The following CASK variants were observed in gnomAD, a reference collection of about 807,000 sequenced individuals.
CASK encodes the protein peripheral plasma membrane protein CASK.
In CASK, 4 loss-of-function variants were observed where a neutral mutation model predicts 82.9. The ratio of observed to expected loss-of-function variants is 0.05; its 90% CI spans 0.02 to 0.11. The LOEUF is 0.11. Ranked by LOEUF, CASK falls within the 10% of genes least tolerant of loss-of-function variation. CASK has a pLI of 1.00. For synonymous variants in CASK, 259 were observed against 253.5 expected (o/e 1.02, Z -0.20); for missense variants, 358 against 720.9 (o/e 0.50, Z 5.76).
intron 1 of CASK, among the ~76,000 whole-genome samples, chrX:41,882,149 T>C (rs2071964878): frequency 9.0e-6 from 1 of 111,703 alleles, no homozygotes; most frequent in African/African-American, 3.3e-5. Flanking sequence ...ATAGTTGGTG[T>C]TCAAAAGTTT....
intron 1 of CASK, among the ~76,000 whole-genome samples, chrX:41,881,519 A>G (rs1175826586): frequency 9.0e-6 from 1 of 111,195 alleles, no homozygotes; most frequent in Non-Finnish European, 1.9e-5. Context: ...GACAGCTTCT[A>G]TATTATTCAC....
chrX:41,849,118 CA>C (rs1341919502), intron 2 of CASK, among the ~76,000 whole-genome samples: 1 of 111,129 alleles, frequency 9.0e-6, no homozygotes, highest in Non-Finnish European at 1.9e-5. Flanking sequence ...AACTGGAGCC[CA>C]AAATATACTC....
At chrX:41,749,270 C>G (rs979383365) in intron 3 of CASK, among the ~76,000 whole-genome samples, 1 of 106,144 alleles carries the variant, frequency 9.4e-6, no homozygotes, top group African/African-American at 3.5e-5. Context: ...GTTGACAGAG[C>G]GAGACTCCAT....
chrX:41,685,089 G>A (rs967977506), intron 5 of CASK, among the ~76,000 whole-genome samples: 10 of 111,632 alleles, frequency 9.0e-5, no homozygotes, highest in South Asian at 3.7e-4. Context: ...CTAAAATTAC[G>A]TAAAAACAAA....
chrX:41,523,234 G>A (rs1350764628), intron 26 of CASK, among the ~76,000 whole-genome samples: 1 of 112,258 alleles, frequency 8.9e-6, no homozygotes, highest in Non-Finnish European at 1.9e-5. Flanking sequence ...CATAATGACG[G>A]AAAATATGAG....
At chrX:41,688,741 G>A (rs1055067579) in intron 5 of CASK, among the ~76,000 whole-genome samples, 2 of 110,649 alleles carry the variant, frequency 1.8e-5, no homozygotes, top group Non-Finnish European at 1.9e-5. Flanking sequence ...AATTTTGAGC[G>A]GGGGGAGGAA....
At position 41,690,662 on chromosome X, in the gene CASK, A is replaced by AT. The variant is rs111335059; in HGVS notation, c.430-19133dup. Among the ~76,000 whole-genome samples, 835 of 85,853 alleles carry AT rather than the reference A, an allele frequency of 9.7e-3. 5 individuals carry two copies. The highest frequency in any genetic ancestry group is 0.026 in the African/African-American group (598 of 23,027). The allele number at this position is 85,853 out of a possible 115,157, so 74.6% of individuals were successfully genotyped here. On this transcript the variant is annotated intron_variant, in intron 5 of 26. Coordinates refer to ENST00000378163, the MANE Select transcript of CASK (RefSeq NM_001367721.1). ...AGGCATGAACCACTGCTCCCGGCCA[A>AT]TTTTTTTTTTTTTTATGTTCTTTTT...
chrX:41,586,731 A>G lies in CASK; in HGVS notation c.1314+176T>C, dbSNP rs914432846. The G allele has an allele frequency of 1.0e-4, 44 of 428,377 alleles. No homozygotes were observed. The African/African-American group carries it at 1.1e-3, about 11-fold the overall frequency. The allele number at this position is 428,377 out of a possible 1,213,427, so 35.3% of individuals were successfully genotyped here. ...AAGAGTATCTTTACAGTTGTGACACAAAGTAAACAAAACAGTCTTAAAATA... is the reference window on the plus strand; with the variant it reads ...AAGAGTATCTTTACAGTTGTGACACGAAGTAAACAAAACAGTCTTAAAATA... On this transcript the variant is annotated intron_variant, in intron 14 of 26. Transcript: ENST00000378163.
rs1445527983 is a variant in CASK, at chrX:41,923,404, C to G, written c.-416G>C. On this transcript the variant is annotated 5_prime_UTR_variant, in exon 1 of 27. Coordinates refer to ENST00000378163, the MANE Select transcript of CASK (RefSeq NM_001367721.1). ...TCGCGTCGCGGAGCAGCTCGGGCTA[C>G]AGAGGGGGCCGCGGCAGGACCATGG... 5 of 110,970 alleles carry G rather than the reference C, an allele frequency of 4.5e-5. No homozygotes were observed. In the Admixed American group the frequency reaches 4.7e-4, roughly 10 times the overall value. 9.1% of individuals were successfully genotyped at this position (110,970 alleles called of 1,213,427 possible).
At chrX:41,608,309 C>CCT (rs1441415237) in intron 12 of CASK, among the ~76,000 whole-genome samples, 1 of 112,179 alleles carries the variant, frequency 8.9e-6, no homozygotes, top group Non-Finnish European at 1.9e-5. Flanking sequence ...TATAAAAAGA[C>CCT]TAAAGAATGT....
At chrX:41,643,400 C>T (rs896914319) in intron 8 of CASK, among the ~76,000 whole-genome samples, 25 of 111,646 alleles carry the variant, frequency 2.2e-4, no homozygotes, top group African/African-American at 8.1e-4. Context: ...TCTTCCTATC[C>T]ATAAGCATGG....
At chrX:41,560,052 T>C (rs1199213157) in intron 17 of CASK, among the ~76,000 whole-genome samples, 2 of 111,715 alleles carry the variant, frequency 1.8e-5, no homozygotes, top group East Asian at 2.8e-4. Context: ...CAGCAGCCAA[T>C]TGCCTTTTGC....
chrX:41,702,572 G>T (rs2067819851), intron 5 of CASK, among the ~76,000 whole-genome samples: 1 of 110,873 alleles, frequency 9.0e-6, no homozygotes, highest in Non-Finnish European at 1.9e-5. Context: ...AAGGCGGGCA[G>T]ATCACGAGGT....
chrX:41,787,354 T>C (rs917672864), intron 2 of CASK, 71 bp from the exon 3 acceptor site: 2 of 626,978 alleles, frequency 3.2e-6, no homozygotes, highest in Non-Finnish European at 5.5e-6. Flanking sequence ...GATGAATGAA[T>C]GGATGTGATC....
chrX:41,758,141 A>ACT (rs1343607891), intron 3 of CASK, among the ~76,000 whole-genome samples: 8 of 111,733 alleles, frequency 7.2e-5, no homozygotes, highest in Non-Finnish European at 1.5e-4. Flanking sequence ...AGAGATTAAG[A>ACT]AAGTCTTCAT....
At chrX:41,774,041 C>G (rs1012321093) in intron 3 of CASK, among the ~76,000 whole-genome samples, 13 of 111,697 alleles carry the variant, frequency 1.2e-4, no homozygotes, top group African/African-American at 3.6e-4. Context: ...AATTTTAAAA[C>G]CTTTTTGACT....
intron 10 of CASK, among the ~76,000 whole-genome samples, chrX:41,625,923 C>T (rs2066363402): frequency 5.0e-5 from 5 of 99,534 alleles, no homozygotes; most frequent in African/African-American, 1.1e-4. Context: ...GGACTACAGG[C>T]GCAGGCCAGC....
chrX:41,917,654 T>C (rs1310766717), intron 1 of CASK, among the ~76,000 whole-genome samples: 1 of 111,871 alleles, frequency 8.9e-6, no homozygotes, highest in Non-Finnish European at 1.9e-5. Context: ...GTCAAGTACA[T>C]AGAAGCGTGT....
chrX:41,808,590 G>A (rs975075418), intron 2 of CASK, among the ~76,000 whole-genome samples: 4 of 112,091 alleles, frequency 3.6e-5, no homozygotes, highest in East Asian at 5.7e-4. Context: ...TTCTAGGGGG[G>A]CAGTTCCAAG....
Sources: gnomAD v4.1 joint callset for allele counts (sites outside exome capture counted in the v4.1 genomes callset) on GRCh38, gnomAD v4.1.1 for gene constraint, MANE v1.5 for transcripts, NCBI Gene and HGNC (gene_info 2026-07-23, HGNC 2026-07-21) for gene names.